Variants in UBE2G1 observed in about 807,000 individuals in gnomAD.
The protein encoded by UBE2G1 is ubiquitin-conjugating enzyme E2 G1.
A neutral mutation model predicts 22.7 loss-of-function variants in UBE2G1; 5 were observed. The observed-to-expected ratio is 0.22, with a 90% CI of 0.12 to 0.46. UBE2G1 has a LOEUF of 0.46. Among genes scored for constraint, UBE2G1 ranks in the 20% least tolerant of loss-of-function variants. The pLI, the probability that UBE2G1 is intolerant of heterozygous loss-of-function variation, is 0.99. For synonymous variants in UBE2G1, 74 were observed against 67.5 expected, an observed-to-expected ratio of 1.10 and a Z score of -0.47; for missense variants, 88 against 203.9, an observed-to-expected ratio of 0.43 and a Z score of 3.46.
At chr17:4,365,074 A>G (rs1454800507) in intron 1 of UBE2G1, among the ~76,000 whole-genome samples, 1 of 152,254 alleles carries the variant, frequency 6.6e-6, no homozygotes, top group Non-Finnish European at 1.5e-5. Flanking sequence ...TTAAGAAGCC[A>G]TAAAGGTGAT....
chr17:4,343,791 G>A (rs1969738185), intron 1 of UBE2G1, among the ~76,000 whole-genome samples: 1 of 151,056 alleles, frequency 6.6e-6, no homozygotes, highest in African/African-American at 2.4e-5. Context: ...GGTTTCACTT[G>A]TTTGCCAGGA....
intron 1 of UBE2G1, among the ~76,000 whole-genome samples, chr17:4,339,697 C>T (rs1366742391): frequency 6.6e-6 from 1 of 151,950 alleles, no homozygotes; most frequent in African/African-American, 2.4e-5. Context: ...ATTAAAAATA[C>T]AAAATTAGGC....
In UBE2G1 at chr17:4,340,403, A is replaced by G. The variant is rs770771821; in HGVS notation, c.46+25868T>C. ...ATCTCCCGGTTCCAACTCTCCTTCT[A>G]ATGTTCCCACTTTATCTGCACTAAC... On this transcript the variant is annotated intron_variant, in intron 1 of 5. Transcript: ENST00000396981. 2.0e-5 allele frequency among the ~76,000 whole-genome samples: 3 copies of G among 152,118 alleles called. No homozygotes were observed. The East Asian group carries it at 5.8e-4, about 29-fold the overall frequency.
intron 1 of UBE2G1, among the ~76,000 whole-genome samples, chr17:4,355,514 C>T (rs557046843): frequency 2.6e-4 from 38 of 148,102 alleles, no homozygotes; most frequent in African/African-American, 9.1e-4. Flanking sequence ...TGGTGGCACA[C>T]GCCTGTAGTC....
intron 1 of UBE2G1, among the ~76,000 whole-genome samples, chr17:4,358,552 G>C (rs1054903502): frequency 6.6e-6 from 1 of 151,968 alleles, no homozygotes; most frequent in African/African-American, 2.4e-5. Flanking sequence ...TTTGTAGCTT[G>C]TCTTTGCATC....
chr17:4,325,985 T>TA (rs1969500715), intron 1 of UBE2G1, among the ~76,000 whole-genome samples: 1 of 152,054 alleles, frequency 6.6e-6, no homozygotes, highest in Non-Finnish European at 1.5e-5. Context: ...ACTGAAAACT[T>TA]AAACGTAAGA....
chr17:4,322,409 C>T (rs912533216), intron 1 of UBE2G1, among the ~76,000 whole-genome samples: 1 of 152,220 alleles, frequency 6.6e-6, no homozygotes, highest in Non-Finnish European at 1.5e-5. Context: ...AAACTCTTCC[C>T]TAAGATGGCA....
At chr17:4,299,283 C>A (rs1382538071) in intron 2 of UBE2G1, among the ~76,000 whole-genome samples, 1 of 152,114 alleles carries the variant, frequency 6.6e-6, no homozygotes, top group African/African-American at 2.4e-5. Context: ...CCTGTAATCC[C>A]AGCTACTTGG....
intron 3 of UBE2G1, among the ~76,000 whole-genome samples, chr17:4,290,797 T>TG (rs1969026307): frequency 1.2e-5 from 1 of 86,196 alleles, no homozygotes; most frequent in Admixed American, 1.2e-4. Flanking sequence ...TTTTTTTTTT[T>TG]TGGTAGAGAT....
intron 1 of UBE2G1, among the ~76,000 whole-genome samples, chr17:4,311,691 C>A (rs141950734): frequency 3.5e-4 from 54 of 152,306 alleles, no homozygotes; most frequent in African/African-American, 1.2e-3. Context: ...ATGAGAACGT[C>A]TGAAAGCTAG....
intron 1 of UBE2G1, among the ~76,000 whole-genome samples, chr17:4,342,456 A>G (rs1055759339): frequency 1.3e-5 from 2 of 152,216 alleles, no homozygotes; most frequent in African/African-American, 2.4e-5. Context: ...AGTCAGGCGC[A>G]GTGGTGCATG....
At chr17:4,365,246 G>T (rs772295570) in intron 1 of UBE2G1, among the ~76,000 whole-genome samples, 6 of 152,226 alleles carry the variant, frequency 3.9e-5, no homozygotes, top group Non-Finnish European at 4.4e-5. Context: ...TACAGCAGGG[G>T]TAAGTGCTGG....
intron 1 of UBE2G1, among the ~76,000 whole-genome samples, chr17:4,350,829 G>C (rs180904821): frequency 6.6e-6 from 1 of 151,790 alleles, no homozygotes; most frequent in Admixed American, 6.6e-5. Context: ...TCAGGAGGTC[G>C]AGACCATCCT....
chr17:4,346,438 T>C (rs1486679856), intron 1 of UBE2G1, among the ~76,000 whole-genome samples: 26 of 148,692 alleles, frequency 1.7e-4, no homozygotes, highest in African/African-American at 4.9e-4. Context: ...CTTCTTTTTT[T>C]TTTTTTTTTT....
intron 1 of UBE2G1, among the ~76,000 whole-genome samples, chr17:4,333,845 C>T (rs1969613112): frequency 6.6e-6 from 1 of 152,098 alleles, no homozygotes; most frequent in African/African-American, 2.4e-5. Context: ...AGACTTACAC[C>T]TTTTGCCTAA....
intron 5 of UBE2G1, among the ~76,000 whole-genome samples, chr17:4,281,689 A>G (rs529370946): frequency 1.2e-3 from 184 of 152,336 alleles, no homozygotes; most frequent in Non-Finnish European, 2.0e-3. Context: ...TAGATATTCA[A>G]TAACAATTTT....
At chr17:4,346,181 C>T (rs1052332140) in intron 1 of UBE2G1, among the ~76,000 whole-genome samples, 5 of 152,220 alleles carry the variant, frequency 3.3e-5, no homozygotes, top group African/African-American at 4.8e-5. Context: ...GCCTTTTACA[C>T]TAATTAAATA....
chr17:4,353,954 A>T (rs1398745154), intron 1 of UBE2G1, among the ~76,000 whole-genome samples: 1 of 150,764 alleles, frequency 6.6e-6, no homozygotes, highest in Non-Finnish European at 1.5e-5. Flanking sequence ...AAGTGCTGGG[A>T]TTACAGGTGT....
chr17:4,362,193 A>G (rs77087184), intron 1 of UBE2G1, among the ~76,000 whole-genome samples: 1,973 of 152,322 alleles, frequency 0.013, 49 homozygotes, highest in African/African-American at 0.046. Context: ...CTCAATTTGC[A>G]AAGGAGTAAG....
Sources: allele counts gnomAD v4.1 joint callset (sites outside exome capture counted in the v4.1 genomes callset), GRCh38; gene constraint gnomAD v4.1.1; transcripts MANE v1.5; gene names NCBI Gene and HGNC (gene_info 2026-07-23, HGNC 2026-07-21).